CRB3: variants seen among roughly 807,000 people sequenced by gnomAD.
CRB3 encodes crumbs cell polarity complex component 3, also known as protein crumbs homolog 3.
In CRB3, 4 loss-of-function variants were observed where a neutral mutation model predicts 10.4. The ratio of observed to expected loss-of-function variants is 0.39; its 90% CI spans 0.19 to 0.88. CRB3 has a LOEUF of 0.88. CRB3 is among the 40% of genes least tolerant of loss of function. CRB3 has a pLI of 0.39. For missense variants in CRB3, 154 were observed against 160.2 expected, an observed-to-expected ratio of 0.96 and a Z score of 0.21; for synonymous variants, 74 against 73.4, an observed-to-expected ratio of 1.01 and a Z score of -0.04.
chr19:6,467,100 T>A lies in CRB3; in HGVS notation c.*428T>A. ...GCAGTGCCCTCTCTGGGCAGTCAGA[T>A]CCACCCAGTGCTTAATAGCAGGGAA... On this transcript the variant is annotated 3_prime_UTR_variant, in exon 4 of 4. Transcript: ENST00000600229. 1.5e-6 allele frequency: 2 copies of A among 1,317,966 alleles called. No homozygotes were observed. Among genetic ancestry groups the A allele is most frequent in the South Asian group, 1.2e-5 (1 of 83,638 alleles). 81.6% of individuals were successfully genotyped at this position (1,317,966 alleles called of 1,614,324 possible). A position where few individuals can be genotyped will look rare whatever the true frequency, so the allele number is the denominator to read the frequency against.
chr19:6,467,006 G>A lies in CRB3; in HGVS notation c.*334G>A, dbSNP rs1325069124. The stretch of plus-strand genomic sequence containing the variant: ...CAGGACTCCAAGGAGACGGTGCAGG[G>A]CTGCCTGCCCATCTAGGTCCCCTCT... On this transcript the variant is annotated 3_prime_UTR_variant, in exon 4 of 4. Coordinates refer to ENST00000600229, the MANE Select transcript of CRB3 (RefSeq NM_139161.5). The A allele has an allele frequency of 6.2e-7, 1 of 1,613,834 alleles. No individual in the cohort carries two copies.
At chr19:6,465,875 G>A (rs2092791645) in intron 3 of CRB3, among the ~76,000 whole-genome samples, 1 of 152,128 alleles carries the variant, frequency 6.6e-6, no homozygotes, top group South Asian at 2.1e-4. Flanking sequence ...GGGTGGGGGA[G>A]CAAGGAGCTC....
At position 6,466,930 on chromosome 19, in the gene CRB3, A is replaced by T. The variant is rs752434967; in HGVS notation, c.*258A>T. ...CTCTGTGTGTCCAGCAGGCCCCACA[A>T]CCCCCTCTCCTTTCTTTCAGTTCTC... On this transcript the variant is annotated 3_prime_UTR_variant, in exon 4 of 4. Transcript: ENST00000600229. The surrounding 1 kb of genome is among the most constrained non-coding windows in gnomAD (Gnocchi z 4.9). 1 of 1,609,704 alleles carries T rather than the reference A, an allele frequency of 6.2e-7. No individual in the cohort carries two copies. Among genetic ancestry groups the T allele is most frequent in the South Asian group, 1.1e-5 (1 of 90,766 alleles).
At position 6,466,970 on chromosome 19, in the gene CRB3, C is replaced by G. The variant is rs891601392; in HGVS notation, c.*298C>G. On this transcript the variant is annotated 3_prime_UTR_variant, in exon 4 of 4. Coordinates refer to ENST00000600229, the MANE Select transcript of CRB3 (RefSeq NM_139161.5). The surrounding 1 kb of genome is among the most constrained non-coding windows in gnomAD (Gnocchi z 4.9). The stretch of plus-strand genomic sequence containing the variant: ...TTTCAGTTCTCCCATGCAGCCGAGG[C>G]CCGGGCCCCTCAGGACTCCAAGGAG... 3.1e-6 allele frequency: 5 copies of G among 1,614,068 alleles called. No homozygotes were observed. In the East Asian group the frequency reaches 1.1e-4, roughly 36 times the overall value.
In CRB3 at chr19:6,466,550, C is replaced by T. The variant is rs754598571; in HGVS notation, c.241C>T (p.Arg81Trp). ...LLAVGLALLV[R>W]KLREKRQTEG... The stretch of plus-strand genomic sequence containing the variant: ...GGCTGTGGGGCTGGCACTGTTGGTG[C>T]GGAAGCTTCGGGAGAAGCGGCAGAC... Residue 81 changes from arginine to tryptophan, a missense_variant, in exon 4 of 4, where the codon CGG (arginine) becomes TGG (tryptophan). Arg to Trp is a moderately radical substitution (Grantham distance 101). Transcript: ENST00000600229. This position sits in a 1 kb window ranked among gnomAD's most constrained non-coding sequence, Gnocchi z 4.9. 8 of 1,612,750 alleles carry T rather than the reference C, an allele frequency of 5.0e-6. No individual in the cohort carries two copies. The highest frequency in any genetic ancestry group is 2.2e-5 in the East Asian group (1 of 44,874).
Position 6,466,531 on chromosome 19 carries a change from G to A in CRB3, c.222G>A (p.Val74=). The change falls in exon 4 of 4, where the codon GTG becomes GTA. Residue 74 remains valine, a synonymous_variant. Coordinates refer to ENST00000600229, the MANE Select transcript of CRB3 (RefSeq NM_139161.5). The surrounding 1 kb of genome is among the most constrained non-coding windows in gnomAD (Gnocchi z 4.9). ...TCTTGGCTGCCTTGCTCCTGGCTGT[G>A]GGGCTGGCACTGTTGGTGCGGAAGC... The part of the protein sequence containing the change: ...FSLLAALLLA[V]GLALLVRKLR... The A allele has an allele frequency of 6.2e-7, 1 of 1,613,568 alleles. No individual in the cohort carries two copies. The highest frequency in any genetic ancestry group is 8.5e-7 in the Non-Finnish European group (1 of 1,180,008).
rs1316699146 is a variant in CRB3 at position 6,464,502 on chromosome 19, G to T, written c.-94-106G>T. The stretch of plus-strand genomic sequence containing the variant: ...TCGCTGACCTCTGGCGGCTGGGGCG[G>T]GGCGGGACTCATGGGTGCCCTGGCG... On this transcript the variant is annotated intron_variant, in intron 1 of 3. Coordinates refer to ENST00000600229, the MANE Select transcript of CRB3 (RefSeq NM_139161.5). The surrounding 1 kb of genome is among the most constrained non-coding windows in gnomAD (Gnocchi z 5.3). 1 of 394,460 alleles carries T rather than the reference G, an allele frequency of 2.5e-6. No individual in the cohort carries two copies. Among genetic ancestry groups the T allele is most frequent in the Middle Eastern group, 6.3e-4 (1 of 1,578 alleles). The allele number at this position is 394,460 out of a possible 1,614,324, so 24.4% of individuals were successfully genotyped here. A position where few individuals can be genotyped will look rare whatever the true frequency, so the allele number is the denominator to read the frequency against.
rs1295168995 is a variant in CRB3, at chr19:6,464,330, G to A, written c.-115G>A. 1.6e-5 allele frequency: 3 copies of A among 191,278 alleles called. No individual in the cohort carries two copies. The highest frequency in any genetic ancestry group is 3.2e-5 in the Non-Finnish European group (3 of 94,102). The allele number at this position is 191,278 out of a possible 1,614,324, so 11.8% of individuals were successfully genotyped here. A position where few individuals can be genotyped will look rare whatever the true frequency, so the allele number is the denominator to read the frequency against. On this transcript the variant is annotated 5_prime_UTR_variant, in exon 1 of 4. Coordinates refer to ENST00000600229, the MANE Select transcript of CRB3 (RefSeq NM_139161.5). The surrounding 1 kb of genome is among the most constrained non-coding windows in gnomAD (Gnocchi z 5.3). Reference sequence around the variant, plus strand: ...GGACACGGACCAGGAACCTGAGCTAGGTCAAAGACGCCCGGGCCAGGTAGG... The same window carrying A: ...GGACACGGACCAGGAACCTGAGCTAAGTCAAAGACGCCCGGGCCAGGTAGG...
At chr19:6,464,268 C>G (rs2092784306), upstream of CRB3, 1 of 157,980 alleles carries the variant, frequency 6.3e-6, no homozygotes, top group Non-Finnish European at 1.4e-5. The surrounding 1 kb of genome is among the most constrained non-coding windows in gnomAD (Gnocchi z 5.3). Context: ...TGGGGTCGGA[C>G]CCACAGAACG....
chr19:6,464,204 G>A (rs533706370), upstream of CRB3: 5 of 152,730 alleles, frequency 3.3e-5, no homozygotes, highest in Admixed American at 3.3e-4. This position sits in a 1 kb window ranked among gnomAD's most constrained non-coding sequence, Gnocchi z 5.3. Context: ...CCGGAAGTGC[G>A]CTCTCCCAGG....
At chr19:6,465,233 A>G (rs1568389008) in intron 2 of CRB3, 5 of 367,784 alleles carry the variant, frequency 1.4e-5, no homozygotes, top group African/African-American at 6.2e-5. Context: ...TGAGTCAGAC[A>G]CTCCAGGGAA....
In CRB3 at chr19:6,466,654, G is replaced by A. The variant is rs199738277; in HGVS notation, c.345G>A (p.Pro115=). ...CGACCCCCAACCTCAAGTTGCCGCC[G>A]GAAGAGCGGCTCATCTGAACGCTGG... ...VPPTPNLKLP[P]EERLI Residue 115 remains proline (P), a synonymous_variant, in exon 4 of 4, where the codon CCG becomes CCA. Coordinates refer to ENST00000600229, the MANE Select transcript of CRB3 (RefSeq NM_139161.5). This position sits in a 1 kb window ranked among gnomAD's most constrained non-coding sequence, Gnocchi z 4.9. The A allele has an allele frequency of 4.6e-5, 73 of 1,601,150 alleles. No homozygotes were observed. The East Asian group carries it at 1.2e-3, about 25-fold the overall frequency.
At position 6,466,504 on chromosome 19, in the gene CRB3, C is replaced by A; in HGVS notation, c.195C>A (p.Ser65=). The change falls in exon 4 of 4, where the codon TCC becomes TCA. Residue 65 remains serine (S), a synonymous_variant. Transcript: ENST00000600229. The surrounding 1 kb of genome is among the most constrained non-coding windows in gnomAD (Gnocchi z 4.9). ...TCACTGCTATCATCGTGGTCTTCTCCCTCTTGGCTGCCTTGCTCCTGGCTG... is the reference window on the plus strand; with the variant it reads ...TCACTGCTATCATCGTGGTCTTCTCACTCTTGGCTGCCTTGCTCCTGGCTG... ...EAITAIIVVF[S]LLAALLLAVG... is the part of the protein sequence containing the mutation. 1 of 1,613,826 alleles carries A rather than the reference C, an allele frequency of 6.2e-7. No individual in the cohort carries two copies. Among genetic ancestry groups the A allele is most frequent in the Non-Finnish European group, 8.5e-7 (1 of 1,180,024 alleles).
At chr19:6,465,645 T>C (rs1446889708) in intron 3 of CRB3, 27 bp downstream of exon 3, 3 of 1,581,228 alleles carry the variant, frequency 1.9e-6, no homozygotes, top group African/African-American at 2.7e-5. Flanking sequence ...TGTGGGAAGA[T>C]GGCAGCAAGG....
intron 3 of CRB3, 95 bp downstream of exon 3, chr19:6,465,713 C>A (rs530756520): frequency 1.0e-5 from 11 of 1,086,152 alleles, no homozygotes; most frequent in Admixed American, 3.4e-5. Flanking sequence ...CCCCTCCCCC[C>A]AGAGGTGGCA....
At chr19:6,465,195 ATTTGTTT>A in intron 2 of CRB3, 1 of 321,776 alleles carries the variant, frequency 3.1e-6, no homozygotes, top group Non-Finnish European at 5.7e-6. Context: ...TCAGTCTTAG[ATTTGTTT>A]TGGGAGCCTG....
At chr19:6,465,430 T>C (rs1326861692) in intron 2 of CRB3, 115 bp from the exon 3 acceptor site, 12 of 837,684 alleles carry the variant, frequency 1.4e-5, no homozygotes, top group Non-Finnish European at 2.5e-5. Context: ...AAGGCAGAGT[T>C]TGAATTGGGA....
In CRB3 at chr19:6,466,253, G is replaced by A. The variant is rs566742367; in HGVS notation, c.157-213G>A. 1.3e-5 allele frequency among the ~76,000 whole-genome samples: 2 copies of A among 151,754 alleles called. No homozygotes were observed. Among genetic ancestry groups the A allele is most frequent in the Non-Finnish European group, 2.9e-5 (2 of 67,914 alleles). On this transcript the variant is annotated intron_variant, in intron 3 of 3. Transcript: ENST00000600229. This position sits in a 1 kb window ranked among gnomAD's most constrained non-coding sequence, Gnocchi z 4.9. ...GGCAGGTGCTTGCGAGGGGTGTCCC[G>A]GACATGGCAGGTGGTGGGGAGCCTT...
In CRB3 at chr19:6,464,826, C is replaced by G. The variant is rs2092786812; in HGVS notation, c.82+43C>G. On this transcript the variant is annotated intron_variant, in intron 2 of 3. Coordinates refer to ENST00000600229, the MANE Select transcript of CRB3 (RefSeq NM_139161.5). This position sits in a 1 kb window ranked among gnomAD's most constrained non-coding sequence, Gnocchi z 5.3. ...GCGCTGGGGGGGAGGGGTCTGGATTCCTGGATCTCTGCTGGGGACGTGGCT... is the reference window on the plus strand; with the variant it reads ...GCGCTGGGGGGGAGGGGTCTGGATTGCTGGATCTCTGCTGGGGACGTGGCT... 1 of 1,145,972 alleles carries G rather than the reference C, an allele frequency of 8.7e-7. No individual in the cohort carries two copies. Among genetic ancestry groups the G allele is most frequent in the East Asian group, 3.1e-5 (1 of 32,054 alleles). 71.0% of individuals were successfully genotyped at this position (1,145,972 alleles called of 1,614,324 possible). A position where few individuals can be genotyped will look rare whatever the true frequency, so the allele number is the denominator to read the frequency against.
Sources: gnomAD v4.1 joint callset for allele counts (sites outside exome capture counted in the v4.1 genomes callset) on GRCh38, gnomAD v4.1.1 for gene constraint, Gnocchi (gnomAD v3.1) non-coding constraint, MANE v1.5 for transcripts, NCBI Gene and HGNC (gene_info 2026-07-23, HGNC 2026-07-21) for gene names.